CDK19: variants seen among roughly 807,000 people sequenced by gnomAD.
The protein encoded by CDK19 is cyclin-dependent kinase 19.
Under a neutral mutation model 68.3 loss-of-function variants are expected in CDK19, and 20 were observed. The ratio of observed to expected loss-of-function variants is 0.29; its 90% CI spans 0.21 to 0.43. The LOEUF (loss-of-function observed/expected upper bound fraction) is 0.43, where lower values mean the gene tolerates loss of function less well. Among genes scored for constraint, CDK19 ranks in the 20% least tolerant of loss-of-function variants. The pLI is 1.00. For synonymous variants in CDK19, 221 were observed against 222.8 expected (o/e 0.99, Z 0.07); for missense variants, 339 against 623.5 (o/e 0.54, Z 4.86).
rs529025717 is a variant in CDK19 at position 110,646,845 on chromosome 6, G to A, written c.457-8139C>T. Among the ~76,000 whole-genome samples the A allele has an allele frequency of 3.9e-5, 6 of 152,136 alleles. No individual in the cohort carries two copies. In the South Asian group the frequency reaches 1.0e-3, roughly 26 times the overall value. ...TGTTTCCTGGTCCTCCCAAGTGGGA[G>A]GAAGGGGCTCCCCGGCAGGTGAGAG... On this transcript the variant is annotated intron_variant, in intron 4 of 12. Coordinates refer to ENST00000368911, the MANE Select transcript of CDK19 (RefSeq NM_015076.5).
chr6:110,685,918 G>T (rs576242001), intron 2 of CDK19, among the ~76,000 whole-genome samples: 1 of 152,146 alleles, frequency 6.6e-6, no homozygotes, highest in African/African-American at 2.4e-5. Context: ...ATTGGCGTAT[G>T]TATGGCCTTT....
At chr6:110,779,975 T>A (rs1583082729) in intron 1 of CDK19, among the ~76,000 whole-genome samples, 1 of 152,126 alleles carries the variant, frequency 6.6e-6, no homozygotes, top group South Asian at 2.1e-4. Flanking sequence ...ATCCCAGCAC[T>A]TCAGGAGGCC....
intron 2 of CDK19, among the ~76,000 whole-genome samples, chr6:110,732,830 G>C (rs1776862004): frequency 6.6e-6 from 1 of 152,034 alleles, no homozygotes; most frequent in Non-Finnish European, 1.5e-5. Context: ...TTTGTGGAGG[G>C]CCGAGGCAGG....
chr6:110,722,594 T>C (rs1775985155), intron 2 of CDK19, among the ~76,000 whole-genome samples: 1 of 151,858 alleles, frequency 6.6e-6, no homozygotes, highest in Non-Finnish European at 1.5e-5. Flanking sequence ...GAAAATACAT[T>C]TAAAAAATAC....
At chr6:110,806,988 TTAAA>T (rs1342306641) in intron 1 of CDK19, among the ~76,000 whole-genome samples, 9 of 147,140 alleles carry the variant, frequency 6.1e-5, no homozygotes, top group Non-Finnish European at 9.0e-5. Flanking sequence ...AATAAATAAA[TTAAA>T]TAAATAAAAA....
At chr6:110,704,351 C>A (rs1309951497) in intron 2 of CDK19, among the ~76,000 whole-genome samples, 1 of 152,118 alleles carries the variant, frequency 6.6e-6, no homozygotes, top group East Asian at 1.9e-4. Context: ...ATTTCATGAA[C>A]CCCAATGTCA....
At chr6:110,651,701 T>A (rs1413262880) in intron 4 of CDK19, among the ~76,000 whole-genome samples, 1 of 152,238 alleles carries the variant, frequency 6.6e-6, no homozygotes, top group Non-Finnish European at 1.5e-5. Context: ...AAGATTATAC[T>A]GGCTTTCTAG....
At chr6:110,718,899 G>A (rs56977202) in intron 2 of CDK19, among the ~76,000 whole-genome samples, 23,806 of 152,040 alleles carry the variant, frequency 0.16, 2,082 homozygotes, top group East Asian at 0.32. Context: ...GCAGTTAAGT[G>A]AAAACAAGGT....
At chr6:110,776,017 A>G (rs1344706539) in intron 1 of CDK19, among the ~76,000 whole-genome samples, 1 of 152,208 alleles carries the variant, frequency 6.6e-6, no homozygotes, top group African/African-American at 2.4e-5. Flanking sequence ...TTTATACTGA[A>G]TATCAGTGAA....
At chr6:110,765,115 C>T (rs889336400) in intron 1 of CDK19, among the ~76,000 whole-genome samples, 7 of 150,934 alleles carry the variant, frequency 4.6e-5, no homozygotes, top group African/African-American at 1.7e-4. Flanking sequence ...CTGTGAAAGG[C>T]ACTTTAAAGA....
intron 1 of CDK19, among the ~76,000 whole-genome samples, chr6:110,774,090 T>C (rs955739119): frequency 1.3e-5 from 2 of 152,028 alleles, no homozygotes; most frequent in South Asian, 4.2e-4. Flanking sequence ...CAACAATATA[T>C]AGGTAACATT....
intron 1 of CDK19, among the ~76,000 whole-genome samples, chr6:110,787,261 C>T (rs935631234): frequency 3.1e-4 from 47 of 152,150 alleles, no homozygotes; most frequent in African/African-American, 1.1e-3. Flanking sequence ...GTAATCCCAG[C>T]TACTTGGGAG....
At chr6:110,709,514 A>C (rs894001843) in intron 2 of CDK19, among the ~76,000 whole-genome samples, 9 of 152,238 alleles carry the variant, frequency 5.9e-5, no homozygotes, top group African/African-American at 2.2e-4. Flanking sequence ...ATTAAAAAAA[A>C]AAAAAAAGAA....
intron 2 of CDK19, among the ~76,000 whole-genome samples, chr6:110,715,968 C>CAT (rs1277806838): frequency 1.3e-5 from 2 of 152,098 alleles, no homozygotes; most frequent in Non-Finnish European, 2.9e-5. Context: ...TGAACAAAAG[C>CAT]ATACTACATT....
intron 2 of CDK19, among the ~76,000 whole-genome samples, chr6:110,723,233 C>CAG (rs1388313800): frequency 6.6e-6 from 1 of 151,420 alleles, no homozygotes; most frequent in African/African-American, 2.4e-5. Context: ...CACATGAAGG[C>CAG]AGTCTGGTCA....
At chr6:110,671,696 C>T (rs1454570231) in intron 2 of CDK19, among the ~76,000 whole-genome samples, 4 of 152,164 alleles carry the variant, frequency 2.6e-5, no homozygotes, top group African/African-American at 9.7e-5. Flanking sequence ...GTCTTCAATT[C>T]CCACAATGTG....
chr6:110,667,622 T>C lies in CDK19; in HGVS notation c.316-48A>G, dbSNP rs759782147. 9 of 1,058,044 alleles carry C rather than the reference T, an allele frequency of 8.5e-6. No homozygotes were observed. In the South Asian group the frequency reaches 1.3e-4, roughly 16 times the overall value. 65.5% of individuals were successfully genotyped at this position (1,058,044 alleles called of 1,614,324 possible). A position where few individuals can be genotyped will look rare whatever the true frequency, so the allele number is the denominator to read the frequency against. On this transcript the variant is annotated intron_variant, in intron 3 of 12. Coordinates refer to ENST00000368911, the MANE Select transcript of CDK19 (RefSeq NM_015076.5). ...ATAATATAGTCTTTGCTAATATCTA[T>C]GCCAATAAAACACAATCAATGCTGT...
chr6:110,807,208 G>A (rs1782739294), intron 1 of CDK19, among the ~76,000 whole-genome samples: 2 of 151,850 alleles, frequency 1.3e-5, no homozygotes, highest in African/African-American at 4.8e-5. Flanking sequence ...AGGAGGCTGA[G>A]GTGAAACAAT....
intron 1 of CDK19, among the ~76,000 whole-genome samples, chr6:110,779,610 A>G (rs995388941): frequency 1.3e-5 from 2 of 152,202 alleles, no homozygotes; most frequent in Non-Finnish European, 2.9e-5. Flanking sequence ...AGAAACAGTC[A>G]TTCTTAAGTA....
Sources: gnomAD v4.1 joint callset for allele counts (sites outside exome capture counted in the v4.1 genomes callset) on GRCh38, gnomAD v4.1.1 for gene constraint, MANE v1.5 for transcripts, NCBI Gene and HGNC (gene_info 2026-07-23, HGNC 2026-07-21) for gene names.